Variants in TMEM65 observed in about 807,000 individuals in gnomAD.
The protein encoded by TMEM65 is transmembrane protein 65.
TMEM65 carries 22 observed loss-of-function variants against 25.4 expected under a neutral mutation model. That is an observed-to-expected ratio of 0.86 (90% CI 0.62 to 1.23). TMEM65 has a LOEUF of 1.23. Ranked by LOEUF, TMEM65 falls within the 50% of genes most tolerant of loss-of-function variation. TMEM65 has a pLI of 0.00. For missense variants in TMEM65, 262 were observed against 308.2 expected (o/e 0.85, Z 1.12); for synonymous variants, 132 against 126.2 (o/e 1.05, Z -0.31).
Position 124,313,053 on chromosome 8 carries a change from T to C in TMEM65, c.*907A>G, listed in dbSNP as rs753482960. On this transcript the variant is annotated 3_prime_UTR_variant, in exon 7 of 7. Coordinates refer to ENST00000297632, the MANE Select transcript of TMEM65 (RefSeq NM_194291.3). ...AACATCACTTCAACTTCATCATTTA[T>C]ACCATAAACCTTCTTGACAGTTCCT... 2.6e-5 allele frequency: 4 copies of C among 151,866 alleles called. No individual in the cohort carries two copies. The highest frequency in any genetic ancestry group is 5.9e-5 in the Non-Finnish European group (4 of 67,830). The allele number at this position is 151,866 out of a possible 1,614,324, so 9.4% of individuals were successfully genotyped here. A position where few individuals can be genotyped will look rare whatever the true frequency, so the allele number is the denominator to read the frequency against.
intron 1 of TMEM65, among the ~76,000 whole-genome samples, chr8:124,364,192 G>A (rs1273989448): frequency 6.6e-6 from 1 of 152,112 alleles, no homozygotes; most frequent in Admixed American, 6.5e-5. Flanking sequence ...TAAAAAGACA[G>A]GAAAAAGAAG....
At chr8:124,331,605 C>T (rs1814433015) in intron 1 of TMEM65, among the ~76,000 whole-genome samples, 1 of 151,550 alleles carries the variant, frequency 6.6e-6, no homozygotes, top group South Asian at 2.1e-4. Flanking sequence ...TTATTACAGG[C>T]AGCAGCCTAC....
chr8:124,310,631 A>C lies in TMEM65; in HGVS notation c.*3329T>G, dbSNP rs1321410096. ...AATAATGTGTGTAAATTACTAGTGCATAAAGGACCAAATAAGTGTTTAATA... is the reference window on the plus strand; with the variant it reads ...AATAATGTGTGTAAATTACTAGTGCCTAAAGGACCAAATAAGTGTTTAATA... On this transcript the variant is annotated 3_prime_UTR_variant, in exon 7 of 7. Transcript: ENST00000297632. The C allele has an allele frequency of 6.6e-6, 1 of 152,200 alleles. No homozygotes were observed. The highest frequency in any genetic ancestry group is 1.5e-5 in the Non-Finnish European group (1 of 68,034). 9.4% of individuals were successfully genotyped at this position (152,200 alleles called of 1,614,324 possible). A position where few individuals can be genotyped will look rare whatever the true frequency, so the allele number is the denominator to read the frequency against.
At chr8:124,347,294 C>G (rs933051973) in intron 1 of TMEM65, among the ~76,000 whole-genome samples, 1 of 151,774 alleles carries the variant, frequency 6.6e-6, no homozygotes, top group African/African-American at 2.4e-5. Context: ...TACGTAAAAC[C>G]CATAAAGGCA....
chr8:124,317,534 T>C (rs1010048368), intron 6 of TMEM65, among the ~76,000 whole-genome samples: 6 of 152,194 alleles, frequency 3.9e-5, no homozygotes, highest in Non-Finnish European at 8.8e-5. Context: ...TTCTCAAATT[T>C]TAATGTACAA....
chr8:124,368,501 C>T (rs979837813), intron 1 of TMEM65, among the ~76,000 whole-genome samples: 10 of 152,244 alleles, frequency 6.6e-5, no homozygotes, highest in Non-Finnish European at 1.3e-4. Context: ...ACTGTCACTA[C>T]TAAGACTGTG....
intron 1 of TMEM65, among the ~76,000 whole-genome samples, chr8:124,338,392 A>C (rs192408326): frequency 6.6e-5 from 10 of 152,180 alleles, no homozygotes; most frequent in Admixed American, 2.0e-4. Flanking sequence ...GAGAAAGAGC[A>C]ACAGCAAGAG....
rs972629582 is a variant in TMEM65, at chr8:124,372,222, GAGA to G, written c.-68_-66del. On this transcript the variant is annotated 5_prime_UTR_variant, in exon 1 of 7. Transcript: ENST00000297632. ...AGGCGGTTTCTGGCGCGGCTGAGGCGAGAAGGAGCTGGGCTCAGCTCGACCCCG... is the reference window on the plus strand; with the variant it reads ...AGGCGGTTTCTGGCGCGGCTGAGGCGAGGAGCTGGGCTCAGCTCGACCCCG... 2,098 of 1,223,854 alleles carry G rather than the reference GAGA, an allele frequency of 1.7e-3. 4 individuals are homozygous for G. The highest frequency in any genetic ancestry group is 1.9e-3 in the Non-Finnish European group (1,854 of 974,008). 75.8% of individuals were successfully genotyped at this position (1,223,854 alleles called of 1,614,324 possible).
chr8:124,362,320 G>C (rs189800847), intron 1 of TMEM65, among the ~76,000 whole-genome samples: 1 of 151,974 alleles, frequency 6.6e-6, no homozygotes, highest in Non-Finnish European at 1.5e-5. Context: ...TTTTTTAAAA[G>C]ATACAGATAA....
At chr8:124,367,645 A>G (rs947539360) in intron 1 of TMEM65, among the ~76,000 whole-genome samples, 2 of 152,234 alleles carry the variant, frequency 1.3e-5, no homozygotes, top group Non-Finnish European at 2.9e-5. Context: ...ATTTAGTATA[A>G]GCTCTTTATC....
chr8:124,346,414 T>A (rs536962665), intron 1 of TMEM65, among the ~76,000 whole-genome samples: 1 of 151,976 alleles, frequency 6.6e-6, no homozygotes, highest in South Asian at 2.1e-4. Context: ...AAAGAAAGAG[T>A]CTTATTTCCT....
chr8:124,315,329 G>GTT (rs1426529969), intron 6 of TMEM65, among the ~76,000 whole-genome samples: 2 of 142,102 alleles, frequency 1.4e-5, no homozygotes, highest in African/African-American at 5.2e-5. Context: ...TTTTTTGTTT[G>GTT]TTTTTTTTTT....
In TMEM65 at chr8:124,311,407, T is replaced by C. The variant is rs1390873558; in HGVS notation, c.*2553A>G. On this transcript the variant is annotated 3_prime_UTR_variant, in exon 7 of 7. Transcript: ENST00000297632. ...ATTCCAAATTTCTTAAAAGATACTT[T>C]TTTTGTTCAATTCCTTTGTAAAAAC... The C allele has an allele frequency of 6.6e-6, 1 of 152,622 alleles. No individual in the cohort carries two copies. The highest frequency in any genetic ancestry group is 1.9e-4 in the East Asian group (1 of 5,206). 9.5% of individuals were successfully genotyped at this position (152,622 alleles called of 1,614,324 possible).
At chr8:124,364,068 A>G (rs1247047206) in intron 1 of TMEM65, among the ~76,000 whole-genome samples, 1 of 152,158 alleles carries the variant, frequency 6.6e-6, no homozygotes, top group Admixed American at 6.5e-5. Flanking sequence ...AGCTAGAGTC[A>G]AAAATCAATA....
chr8:124,347,182 A>G (rs1814649246), intron 1 of TMEM65, among the ~76,000 whole-genome samples: 1 of 152,206 alleles, frequency 6.6e-6, no homozygotes, highest in African/African-American at 2.4e-5. Flanking sequence ...TAGAAACAGC[A>G]GAGCTTAACT....
intron 4 of TMEM65, among the ~76,000 whole-genome samples, 190 bp downstream of exon 4, chr8:124,323,131 T>C (rs1186536303): frequency 6.6e-6 from 1 of 152,098 alleles, no homozygotes. Flanking sequence ...ACTAATAATA[T>C]AAAGTACCTA....
chr8:124,372,299 C>G lies in TMEM65; in HGVS notation c.-142G>C. 2 of 714,258 alleles carry G rather than the reference C, an allele frequency of 2.8e-6. No individual in the cohort carries two copies. Among genetic ancestry groups the G allele is most frequent in the South Asian group, 8.8e-5 (2 of 22,834 alleles). 44.2% of individuals were successfully genotyped at this position (714,258 alleles called of 1,614,324 possible). A position where few individuals can be genotyped will look rare whatever the true frequency, so the allele number is the denominator to read the frequency against. ...GCCGAGGCGCCGGGCACCATGCACT[C>G]CGCGGGCCCGCGCGGCTCTCGCCTC... is the stretch of plus-strand genomic sequence containing the variant. On this transcript the variant is annotated 5_prime_UTR_variant, in exon 1 of 7. Coordinates refer to ENST00000297632, the MANE Select transcript of TMEM65 (RefSeq NM_194291.3).
At chr8:124,371,781 G>C (rs1050161551) in intron 1 of TMEM65, 73 bp downstream of exon 1, 4 of 1,412,704 alleles carry the variant, frequency 2.8e-6, no homozygotes, top group African/African-American at 3.0e-5. Flanking sequence ...GGGCCGCAGC[G>C]GGCTCCCGGT....
At chr8:124,363,489 C>T (rs1462401213) in intron 1 of TMEM65, among the ~76,000 whole-genome samples, 2 of 152,026 alleles carry the variant, frequency 1.3e-5, no homozygotes, top group African/African-American at 4.8e-5. Flanking sequence ...AATTCTGATG[C>T]ATTTTCAACC....
Sources: gnomAD v4.1 joint callset for allele counts (sites outside exome capture counted in the v4.1 genomes callset) on GRCh38, gnomAD v4.1.1 for gene constraint, MANE v1.5 for transcripts, NCBI Gene and HGNC (gene_info 2026-07-23, HGNC 2026-07-21) for gene names.